AUTS2: variants seen among roughly 807,000 people sequenced by gnomAD.
AUTS2 encodes autism susceptibility gene 2 protein.
A neutral mutation model predicts 112.4 loss-of-function variants in AUTS2; 17 were observed. The observed-to-expected ratio is 0.15, with a 90% confidence interval of 0.10 to 0.23. The LOEUF (loss-of-function observed/expected upper bound fraction) is 0.23, where lower values mean the gene tolerates loss of function less well. Ranked by LOEUF, AUTS2 falls within the 10% of genes least tolerant of loss-of-function variation. The probability of loss-of-function intolerance (pLI) is 1.00; values close to 1 mark genes in which losing one functional copy is unlikely to be tolerated. For missense variants in AUTS2, 1,510 were observed against 1,701.6 expected (o/e 0.89, Z 1.98); for synonymous variants, 751 against 702.7 (o/e 1.07, Z -1.09).
intron 2 of AUTS2, among the ~76,000 whole-genome samples, chr7:70,061,718 A>T (rs1802252568): frequency 6.6e-6 from 1 of 152,042 alleles, no homozygotes; most frequent in Non-Finnish European, 1.5e-5. Flanking sequence ...CAATGGATTA[A>T]CTATTTATTT....
intron 1 of AUTS2, among the ~76,000 whole-genome samples, chr7:69,618,608 A>G (rs1333621974): frequency 1.3e-5 from 2 of 152,178 alleles, no homozygotes; most frequent in Non-Finnish European, 2.9e-5. Flanking sequence ...TCTTTTTAGT[A>G]CTGGTGCTTT....
intron 5 of AUTS2, among the ~76,000 whole-genome samples, chr7:70,561,239 C>T (rs1401044939): frequency 6.6e-6 from 1 of 152,190 alleles, no homozygotes; most frequent in Non-Finnish European, 1.5e-5. Flanking sequence ...CTCATCTCAA[C>T]CAGTCTGTCA....
At chr7:70,458,201 C>T (rs1172049392) in intron 5 of AUTS2, among the ~76,000 whole-genome samples, 4 of 152,168 alleles carry the variant, frequency 2.6e-5, no homozygotes, top group African/African-American at 9.7e-5. Context: ...CAGCAATGCT[C>T]CAATTCACAG....
At chr7:69,710,978 G>A (rs549979487) in intron 1 of AUTS2, among the ~76,000 whole-genome samples, 48 of 152,240 alleles carry the variant, frequency 3.2e-4, no homozygotes, top group Middle Eastern at 3.4e-3. Flanking sequence ...TGTGCTTTGC[G>A]TGTCGTGTCT....
intron 5 of AUTS2, among the ~76,000 whole-genome samples, chr7:70,628,588 CA>C (rs930647808): frequency 2.0e-5 from 3 of 151,846 alleles, no homozygotes; most frequent in South Asian, 2.1e-4. Context: ...CCCTCCCCCC[CA>C]AAAAATCCAG....
At chr7:69,782,009 C>G (rs756840128) in intron 1 of AUTS2, among the ~76,000 whole-genome samples, 1 of 152,162 alleles carries the variant, frequency 6.6e-6, no homozygotes, top group Non-Finnish European at 1.5e-5. Flanking sequence ...CTTGAAAGTA[C>G]AGATTCCCGG....
At chr7:70,060,472 C>G (rs567834546) in intron 2 of AUTS2, among the ~76,000 whole-genome samples, 1 of 152,036 alleles carries the variant, frequency 6.6e-6, no homozygotes, top group Non-Finnish European at 1.5e-5. Flanking sequence ...GTGTTGTAAG[C>G]GAGAAAGACT....
intron 4 of AUTS2, among the ~76,000 whole-genome samples, chr7:70,140,660 C>G (rs887202388): frequency 1.3e-5 from 2 of 152,064 alleles, no homozygotes; most frequent in African/African-American, 4.8e-5. Context: ...TTAACACTTC[C>G]CCCCAAATAA....
chr7:70,294,760 C>T (rs1380206441), intron 4 of AUTS2, among the ~76,000 whole-genome samples: 1 of 152,190 alleles, frequency 6.6e-6, no homozygotes, highest in Non-Finnish European at 1.5e-5. Flanking sequence ...TTCTGGTTGC[C>T]ACTGGTCTGT....
chr7:70,296,351 G>A (rs1409116847), intron 4 of AUTS2, among the ~76,000 whole-genome samples: 4 of 152,206 alleles, frequency 2.6e-5, no homozygotes, highest in Non-Finnish European at 5.9e-5. Flanking sequence ...TTTATATTTA[G>A]TATAGTAAAA....
At chr7:70,745,221 A>G (rs1788379641) in intron 6 of AUTS2, among the ~76,000 whole-genome samples, 1 of 152,020 alleles carries the variant, frequency 6.6e-6, no homozygotes. Context: ...CCCCAGCCCC[A>G]TGTACTTTGA....
intron 5 of AUTS2, among the ~76,000 whole-genome samples, chr7:70,638,886 G>T (rs1210888879): frequency 1.3e-5 from 2 of 152,106 alleles, no homozygotes; most frequent in Admixed American, 6.5e-5. Context: ...GGCAGATATT[G>T]CTGCAGGCTT....
At chr7:70,249,414 A>G (rs960521256) in intron 4 of AUTS2, among the ~76,000 whole-genome samples, 8 of 152,156 alleles carry the variant, frequency 5.3e-5, no homozygotes, top group South Asian at 2.1e-4. Context: ...GGACAGTTCT[A>G]TAGAATGGAG....
intron 1 of AUTS2, among the ~76,000 whole-genome samples, chr7:69,692,029 A>C (rs1797370714): frequency 6.6e-6 from 1 of 152,148 alleles, no homozygotes; most frequent in Admixed American, 6.5e-5. Flanking sequence ...TGAGCACCTT[A>C]GAGCTTGAAG....
chr7:70,136,679 T>C (rs747398188), intron 4 of AUTS2, among the ~76,000 whole-genome samples: 2 of 152,178 alleles, frequency 1.3e-5, no homozygotes, highest in Non-Finnish European at 2.9e-5. Context: ...ATTTTTCAAG[T>C]CTATCCTTAC....
intron 3 of AUTS2, among the ~76,000 whole-genome samples, chr7:70,124,059 A>G (rs527288922): frequency 1.3e-5 from 2 of 152,186 alleles, no homozygotes; most frequent in Admixed American, 1.3e-4. Flanking sequence ...GACTGGTGAG[A>G]TGATATCTCA....
At chr7:70,255,123 G>A (rs1174772854) in intron 4 of AUTS2, among the ~76,000 whole-genome samples, 5 of 149,348 alleles carry the variant, frequency 3.3e-5, no homozygotes, top group African/African-American at 1.2e-4. Flanking sequence ...GCCCAGGCTG[G>A]AGTACAATGG....
chr7:70,114,025 T>C (rs1805225846), intron 2 of AUTS2, among the ~76,000 whole-genome samples: 1 of 152,216 alleles, frequency 6.6e-6, no homozygotes, highest in African/African-American at 2.4e-5. Context: ...TGAAATCTAA[T>C]GAAAAACAAA....
intron 1 of AUTS2, among the ~76,000 whole-genome samples, chr7:69,664,281 T>C (rs1371222391): frequency 2.0e-5 from 3 of 152,166 alleles, no homozygotes; most frequent in African/African-American, 7.2e-5. Context: ...AAATAGAGAA[T>C]GCAAGAAAAA....
Sources: allele counts gnomAD v4.1 joint callset (sites outside exome capture counted in the v4.1 genomes callset), GRCh38; gene constraint gnomAD v4.1.1; transcripts MANE v1.5; gene names NCBI Gene and HGNC (gene_info 2026-07-23, HGNC 2026-07-21).